The following LACTB2 variants were observed in gnomAD, a reference collection of about 807,000 sequenced individuals.
The protein encoded by LACTB2 is lactamase beta 2.
LACTB2 carries 32 observed loss-of-function variants against 34.8 expected under a neutral mutation model. That is an observed-to-expected ratio of 0.92 (90% CI 0.69 to 1.24). The LOEUF is 1.24. LACTB2 is among the 50% of genes most tolerant of loss of function. The probability of loss-of-function intolerance (pLI) is 0.00; values close to 1 mark genes in which losing one functional copy is unlikely to be tolerated. For missense variants in LACTB2, 320 were observed against 345.0 expected, an observed-to-expected ratio of 0.93 and a Z score of 0.57; for synonymous variants, 120 against 117.5, an observed-to-expected ratio of 1.02 and a Z score of -0.14.
Position 70,642,418 on chromosome 8 carries a change from TC to T in LACTB2, c.593-1369del, listed in dbSNP as rs568420815. The stretch of plus-strand genomic sequence containing the variant: ...ACGGATCTTTCAATGGCTTGGTTAA[TC>T]GCAAGTTAGAAGAACTTAGGAAGTT... On this transcript the variant is annotated intron_variant, in intron 4 of 6. Coordinates refer to ENST00000276590, the MANE Select transcript of LACTB2 (RefSeq NM_016027.3). 9.9e-4 allele frequency among the ~76,000 whole-genome samples: 150 copies of T among 152,192 alleles called. 1 individual carries two copies. In the Middle Eastern group the frequency reaches 0.031, roughly 31 times the overall value.
intron 1 of LACTB2, among the ~76,000 whole-genome samples, chr8:70,665,675 A>G (rs1181341137): frequency 6.6e-6 from 1 of 152,166 alleles, no homozygotes; most frequent in Non-Finnish European, 1.5e-5. Context: ...CACAACCTTC[A>G]TTGGGTTGTA....
intron 1 of LACTB2, among the ~76,000 whole-genome samples, chr8:70,667,628 C>G (rs1818548410): frequency 6.6e-6 from 1 of 152,184 alleles, no homozygotes; most frequent in African/African-American, 2.4e-5. Context: ...TAGCACTTTG[C>G]TATGTTGAGT....
In LACTB2 at chr8:70,661,881, T is replaced by G. The variant is rs1818484732; in HGVS notation, c.139A>C (p.Thr47Pro). The G allele has an allele frequency of 6.2e-7, 1 of 1,608,392 alleles. No homozygotes were observed. Among genetic ancestry groups the G allele is most frequent in the Non-Finnish European group, 8.5e-7 (1 of 1,178,230 alleles). The change falls in exon 2 of 7, where the codon ACT (threonine) becomes CCT (proline). Residue 47 changes from threonine to proline, a missense_variant. By Grantham distance (38) the Thr-to-Pro change is conservative (BLOSUM62 -1). Coordinates refer to ENST00000276590, the MANE Select transcript of LACTB2 (RefSeq NM_016027.3). The part of the protein sequence containing the change: ...GTGPRRILID[T>P]GEPAIPEYIS... ...TATTCTGGAATTGCTGGTTCTCCAG[T>G]GTCAATGAGGATTCTCCTGAAAATT...
At chr8:70,661,989 G>A in intron 1 of LACTB2, 92 bp from the exon 2 acceptor site, 4 of 1,101,904 alleles carry the variant, frequency 3.6e-6, no homozygotes, top group South Asian at 3.8e-5. Context: ...TAAAGAAACT[G>A]CAAAAATTAT....
chr8:70,638,449 A>T, intron 6 of LACTB2, 99 bp downstream of exon 6: 1 of 1,262,840 alleles, frequency 7.9e-7, no homozygotes, highest in Non-Finnish European at 1.1e-6. Context: ...TATTCATGGG[A>T]GAACTCTGAT....
chr8:70,637,477 G>A lies in LACTB2; in HGVS notation c.*383C>T, dbSNP rs1039032433. 6.5e-6 allele frequency: 1 copy of A among 152,844 alleles called. No homozygotes were observed. Among genetic ancestry groups the A allele is most frequent in the Non-Finnish European group, 1.5e-5 (1 of 68,566 alleles). The allele number at this position is 152,844 out of a possible 1,614,324, so 9.5% of individuals were successfully genotyped here. A position where few individuals can be genotyped will look rare whatever the true frequency, so the allele number is the denominator to read the frequency against. On this transcript the variant is annotated 3_prime_UTR_variant, in exon 7 of 7. Coordinates refer to ENST00000276590, the MANE Select transcript of LACTB2 (RefSeq NM_016027.3). ...AGAGTAAAGGTGCATAGAAATCTGT[G>A]CTGTTAAATAAAGTAGCTATAGAAA...
intron 3 of LACTB2, chr8:70,653,677 A>G (rs1053624299): frequency 6.6e-6 from 1 of 152,136 alleles, no homozygotes; most frequent in African/African-American, 2.4e-5. Context: ...CATTTCCTCT[A>G]TTTTGCTGGG....
In LACTB2 at chr8:70,648,968, T is replaced by TAAA. The variant is rs1180536257; in HGVS notation, c.414-4726_414-4725insTTT. On this transcript the variant is annotated intron_variant, in intron 3 of 6. Transcript: ENST00000276590. ...AAGAAGTTCAGCAATCAGAAGGGCT[T>TAAA]TAGATTTCTCTATTGCAATATTGAA... 5.4e-3 allele frequency among the ~76,000 whole-genome samples: 829 copies of TAAA among 152,248 alleles called. 9 individuals are homozygous for TAAA. Among genetic ancestry groups the TAAA allele is most frequent in the African/African-American group, 0.019 (782 of 41,546 alleles).
At chr8:70,647,342 T>A (rs566810676) in intron 3 of LACTB2, among the ~76,000 whole-genome samples, 58 of 152,026 alleles carry the variant, frequency 3.8e-4, no homozygotes, top group Admixed American at 7.9e-4. Context: ...AACCTCTGCC[T>A]CCCAGGTTCA....
intron 3 of LACTB2, chr8:70,645,974 T>C (rs528516095): frequency 3.9e-5 from 6 of 152,352 alleles, no homozygotes; most frequent in East Asian, 3.9e-4. Context: ...TGTGTCTTTA[T>C]AGCAGCATGA....
chr8:70,668,748 GTTT>G (rs990900411), intron 1 of LACTB2, among the ~76,000 whole-genome samples: 20 of 103,726 alleles, frequency 1.9e-4, no homozygotes, highest in African/African-American at 5.4e-4. Context: ...CAAAACAGAA[GTTT>G]TTTTTTTTTT....
chr8:70,657,314 C>T (rs1454558598), intron 3 of LACTB2, among the ~76,000 whole-genome samples: 1 of 151,970 alleles, frequency 6.6e-6, no homozygotes, highest in Non-Finnish European at 1.5e-5. Flanking sequence ...TTTCTTTTCT[C>T]ATTTCTCAAG....
intron 3 of LACTB2, among the ~76,000 whole-genome samples, chr8:70,656,485 T>C (rs775881322): frequency 2.6e-5 from 4 of 152,182 alleles, no homozygotes; most frequent in Non-Finnish European, 5.9e-5. Flanking sequence ...AAAGATCAGT[T>C]AGCTGTAAGT....
chr8:70,664,922 T>C (rs370523278), intron 1 of LACTB2, among the ~76,000 whole-genome samples: 1 of 152,178 alleles, frequency 6.6e-6, no homozygotes, highest in African/African-American at 2.4e-5. Context: ...AGATACAAGG[T>C]CCAGTGACTT....
Position 70,638,621 on chromosome 8 carries a change from A to T in LACTB2, c.750T>A (p.Pro250=), listed in dbSNP as rs1261203418. The change falls in exon 6 of 7, where the codon CCT becomes CCA. Residue 250 remains proline (P), a synonymous_variant. Coordinates refer to ENST00000276590, the MANE Select transcript of LACTB2 (RefSeq NM_016027.3). The stretch of plus-strand genomic sequence containing the variant: ...GTTTAGCCATTTCATGTAAATTCTC[A>T]GGAGTATTCTAAAAGAAAAATGAAG... The part of the protein sequence containing the change: ...ELVKIIYKNT[P]ENLHEMAKHN... 6.9e-7 allele frequency: 1 copy of T among 1,440,684 alleles called. No individual in the cohort carries two copies. Among genetic ancestry groups the T allele is most frequent in the Non-Finnish European group, 9.2e-7 (1 of 1,087,112 alleles). 89.2% of individuals were successfully genotyped at this position (1,440,684 alleles called of 1,614,324 possible). A position where few individuals can be genotyped will look rare whatever the true frequency, so the allele number is the denominator to read the frequency against.
chr8:70,648,098 A>G (rs1297000140), intron 3 of LACTB2, among the ~76,000 whole-genome samples: 1 of 152,152 alleles, frequency 6.6e-6, no homozygotes, highest in Admixed American at 6.5e-5. Context: ...AGGAAGAAAG[A>G]CTCTACGATA....
chr8:70,652,901 A>ATGGTAAC (rs11281440), intron 3 of LACTB2: 1 of 151,706 alleles, frequency 6.6e-6, no homozygotes, highest in African/African-American at 2.4e-5. Context: ...CCATGATTCT[A>ATGGTAAC]TGTGATAAAC....
intron 3 of LACTB2, among the ~76,000 whole-genome samples, chr8:70,651,156 A>G (rs1448076080): frequency 6.6e-6 from 1 of 152,214 alleles, no homozygotes; most frequent in Non-Finnish European, 1.5e-5. Flanking sequence ...AAGTCTAATA[A>G]TATAATAGAT....
intron 3 of LACTB2, among the ~76,000 whole-genome samples, chr8:70,644,490 G>T (rs1224103446): frequency 6.6e-6 from 1 of 150,890 alleles, no homozygotes; most frequent in Non-Finnish European, 1.5e-5. Context: ...TTCTTTTTTT[G>T]AGACAGGGTC....
Sources: gnomAD v4.1 joint callset for allele counts (sites outside exome capture counted in the v4.1 genomes callset) on GRCh38, gnomAD v4.1.1 for gene constraint, MANE v1.5 for transcripts, NCBI Gene and HGNC (gene_info 2026-07-23, HGNC 2026-07-21) for gene names.